The following GCSH variants were observed in gnomAD, a reference collection of about 807,000 sequenced individuals.
GCSH encodes glycine cleavage system H protein, mitochondrial.
A neutral mutation model predicts 21.3 loss-of-function variants in GCSH; 15 were observed. That is an observed-to-expected ratio of 0.70 (90% CI 0.47 to 1.08). The LOEUF is 1.08. Among genes scored for constraint, GCSH ranks in the 50% least tolerant of loss-of-function variants. The pLI is 0.00. For missense variants in GCSH, 179 were observed against 217.5 expected (o/e 0.82, Z 1.11); for synonymous variants, 59 against 84.5 (o/e 0.70, Z 1.66).
intron 1 of GCSH, among the ~76,000 whole-genome samples, chr16:81,092,737 A>G (rs998031314): frequency 6.6e-5 from 10 of 151,598 alleles, no homozygotes; most frequent in Non-Finnish European, 1.3e-4. Flanking sequence ...AGCAAGACTC[A>G]GTCTCAAAAA....
intron 1 of GCSH, among the ~76,000 whole-genome samples, chr16:81,094,696 C>G (rs1398169331): frequency 6.6e-6 from 1 of 152,048 alleles, no homozygotes; most frequent in Admixed American, 6.6e-5. Flanking sequence ...ATCAACCATT[C>G]CAGCTCCAAA....
At chr16:81,087,789 G>T in intron 2 of GCSH, 125 bp from the exon 3 acceptor site, 1 of 728,938 alleles carries the variant, frequency 1.4e-6, no homozygotes, top group South Asian at 1.6e-5. Context: ...TACTGGAGGG[G>T]CTACATTCTT....
In GCSH at chr16:81,092,452, T is replaced by C. The variant is rs554310896; in HGVS notation, c.149-1772A>G. 2.6e-5 allele frequency among the ~76,000 whole-genome samples: 4 copies of C among 152,280 alleles called. No homozygotes were observed. The South Asian group carries it at 8.3e-4, about 32-fold the overall frequency. On this transcript the variant is annotated intron_variant, in intron 1 of 4. Transcript: ENST00000315467. ...AATTTTTTTTTTCCTTAAATTATCA[T>C]GTCGCAGGCCAGGCACAGTGACTCA...
chr16:81,093,448 C>T (rs189250731), intron 1 of GCSH, among the ~76,000 whole-genome samples: 1 of 152,118 alleles, frequency 6.6e-6, no homozygotes, highest in Non-Finnish European at 1.5e-5. Flanking sequence ...TAGTACAATT[C>T]TCCTTAACAA....
intron 2 of GCSH, among the ~76,000 whole-genome samples, chr16:81,089,959 C>T (rs948368910): frequency 2.0e-5 from 3 of 152,184 alleles, no homozygotes; most frequent in African/African-American, 7.2e-5. Context: ...AAAACACACA[C>T]ATTTCCTTCT....
At chr16:81,090,905 G>T in intron 1 of GCSH, 1 of 601,462 alleles carries the variant, frequency 1.7e-6, no homozygotes. Context: ...AACACCTTGT[G>T]CATCTTTTGG....
At chr16:81,087,727 A>G in intron 2 of GCSH, 63 bp from the exon 3 acceptor site, 1 of 1,105,140 alleles carries the variant, frequency 9.0e-7, no homozygotes, top group South Asian at 1.2e-5. Flanking sequence ...TCCAGTAAAC[A>G]GAATAAGCCA....
chr16:81,087,611 C>G lies in GCSH; in HGVS notation c.282G>C (p.Leu94Phe). Residue 94 changes from leucine to phenylalanine, a missense_variant, in exon 3 of 5, where the codon TTG becomes TTC. Physicochemically the swap from Leu to Phe is conservative, Grantham distance 22. Coordinates refer to ENST00000315467, the MANE Select transcript of GCSH (RefSeq NM_004483.5). ...YCSLPEVGTK[L>F]NKQDEFGALE... ...CCTAAGAACACTCACCTTGTTTGTT[C>G]AATTTTGTCCCAACTTCAGGGAGAC... The G allele has an allele frequency of 6.2e-7, 1 of 1,608,296 alleles. No individual in the cohort carries two copies. Among genetic ancestry groups the G allele is most frequent in the Non-Finnish European group, 8.5e-7 (1 of 1,175,156 alleles).
intron 2 of GCSH, 62 bp downstream of exon 2, chr16:81,090,539 G>A: frequency 8.9e-7 from 1 of 1,121,608 alleles, no homozygotes; most frequent in Non-Finnish European, 1.4e-6. Flanking sequence ...TTTTAAAAAG[G>A]TAGAGATAAA....
chr16:81,082,082 T>C lies in GCSH; in HGVS notation c.*784A>G, dbSNP rs8177959. On this transcript the variant is annotated 3_prime_UTR_variant, in exon 5 of 5. Coordinates refer to ENST00000315467, the MANE Select transcript of GCSH (RefSeq NM_004483.5). ...CCACCTTCCTCTGTCTTTCCTCTTC[T>C]TTCTTCAGACCTCGCATGATAGAAA... The C allele has an allele frequency of 0.1, 45,534 of 454,020 alleles. 2,642 individuals carry two copies. Among genetic ancestry groups the C allele is most frequent in the East Asian group, 0.21 (2,976 of 14,384 alleles). 28.1% of individuals were successfully genotyped at this position (454,020 alleles called of 1,614,324 possible).
chr16:81,086,732 T>C (rs1414869231), intron 3 of GCSH, among the ~76,000 whole-genome samples: 1 of 146,504 alleles, frequency 6.8e-6, no homozygotes, highest in Non-Finnish European at 1.5e-5. Flanking sequence ...AGTCTCCAAA[T>C]TTAATCGAAA....
chr16:81,087,709 C>T (rs1972311804), intron 2 of GCSH, 45 bp from the exon 3 acceptor site: 2 of 1,307,616 alleles, frequency 1.5e-6, no homozygotes, highest in Non-Finnish European at 2.2e-6. Flanking sequence ...GAAGTTATAA[C>T]TAAACCCTCC....
rs897493068 is a variant in GCSH, at chr16:81,090,502, A to G, written c.228+99T>C. ...CTCCCAAAGTGTTGGGATTACAGGCATGAGCCACCTCACGCAGCCTAAACA... is the reference window on the plus strand; with the variant it reads ...CTCCCAAAGTGTTGGGATTACAGGCGTGAGCCACCTCACGCAGCCTAAACA... On this transcript the variant is annotated intron_variant, in intron 2 of 4. Transcript: ENST00000315467. 8.3e-6 allele frequency: 7 copies of G among 841,672 alleles called. No homozygotes were observed. In the African/African-American group the frequency reaches 1.0e-4, roughly 12 times the overall value. 52.1% of individuals were successfully genotyped at this position (841,672 alleles called of 1,614,324 possible).
chr16:81,096,131 C>T lies in GCSH; in HGVS notation c.148G>A (p.Val50Met), dbSNP rs1165865715. The change falls in exon 1 of 5, where the codon GTG becomes ATG. Residue 50 changes from valine to methionine, a missense_variant and splice_region_variant. Physicochemically the swap from Val to Met is conservative, Grantham distance 21. Coordinates refer to ENST00000315467, the MANE Select transcript of GCSH (RefSeq NM_004483.5). ...TLRTGPALLS[V>M]RKFTEKHEWV... Reference sequence around the variant, plus strand: ...CCGCCCACGTGCCCGCCGCGCTTACCCGAGAGCAGAGCGGGTCCAGTGCGC... The same window carrying T: ...CCGCCCACGTGCCCGCCGCGCTTACTCGAGAGCAGAGCGGGTCCAGTGCGC... The T allele has an allele frequency of 7.9e-7, 1 of 1,259,924 alleles. No homozygotes were observed. The highest frequency in any genetic ancestry group is 1.0e-6 in the Non-Finnish European group (1 of 1,003,242). The allele number at this position is 1,259,924 out of a possible 1,614,324, so 78.0% of individuals were successfully genotyped here. A position where few individuals can be genotyped will look rare whatever the true frequency, so the allele number is the denominator to read the frequency against.
At chr16:81,087,861 C>T (rs901920039) in intron 2 of GCSH, among the ~76,000 whole-genome samples, 197 bp from the exon 3 acceptor site, 10 of 152,256 alleles carry the variant, frequency 6.6e-5, no homozygotes, top group Middle Eastern at 3.4e-3. Context: ...TGGTAGTTCA[C>T]GCCTGTAATC....
chr16:81,095,791 C>A (rs1215403850), intron 1 of GCSH, among the ~76,000 whole-genome samples: 1 of 152,178 alleles, frequency 6.6e-6, no homozygotes, highest in Non-Finnish European at 1.5e-5. Context: ...CTTAAGGCCA[C>A]CGAGACGCTT....
In GCSH at chr16:81,082,086, T is replaced by C; in HGVS notation, c.*780A>G. The stretch of plus-strand genomic sequence containing the variant: ...CTTCCTCTGTCTTTCCTCTTCTTTC[T>C]TCAGACCTCGCATGATAGAAAATCA... On this transcript the variant is annotated 3_prime_UTR_variant, in exon 5 of 5. Coordinates refer to ENST00000315467, the MANE Select transcript of GCSH (RefSeq NM_004483.5). The C allele has an allele frequency of 2.2e-6, 1 of 454,164 alleles. No homozygotes were observed. Among genetic ancestry groups the C allele is most frequent in the Non-Finnish European group, 4.4e-6 (1 of 226,800 alleles). The allele number at this position is 454,164 out of a possible 1,614,324, so 28.1% of individuals were successfully genotyped here. A position where few individuals can be genotyped will look rare whatever the true frequency, so the allele number is the denominator to read the frequency against.
In GCSH at chr16:81,082,354, C is replaced by G; in HGVS notation, c.*512G>C. 1 of 431,412 alleles carries G rather than the reference C, an allele frequency of 2.3e-6. No homozygotes were observed. Among genetic ancestry groups the G allele is most frequent in the Non-Finnish European group, 4.6e-6 (1 of 217,098 alleles). 26.7% of individuals were successfully genotyped at this position (431,412 alleles called of 1,614,324 possible). On this transcript the variant is annotated 3_prime_UTR_variant, in exon 5 of 5. Transcript: ENST00000315467. The stretch of plus-strand genomic sequence containing the variant: ...GAAGAAGTATTTTATTATTTTGCTG[C>G]AAAGCTGTTGCTTCACTGTATAAAA...
rs930244376 is a variant in GCSH at position 81,096,137 on chromosome 16, G to A, written c.142C>T (p.Leu48Phe). The change falls in exon 1 of 5, where the codon CTC becomes TTC. Residue 48 changes from leucine (L) to phenylalanine (F), a missense_variant. By Grantham distance (22) the Leu-to-Phe change is conservative. Transcript: ENST00000315467. ...ACGTGCCCGCCGCGCTTACCCGAGA[G>A]CAGAGCGGGTCCAGTGCGCAGCGTA... is the stretch of plus-strand genomic sequence containing the variant. ...VRTLRTGPAL[L>F]SVRKFTEKHE... is the part of the protein sequence containing the mutation. The A allele has an allele frequency of 1.5e-5, 19 of 1,267,850 alleles. No homozygotes were observed. Among genetic ancestry groups the A allele is most frequent in the Middle Eastern group, 3.0e-4 (1 of 3,332 alleles). The allele number at this position is 1,267,850 out of a possible 1,614,324, so 78.5% of individuals were successfully genotyped here. A position where few individuals can be genotyped will look rare whatever the true frequency, so the allele number is the denominator to read the frequency against.
Sources: gnomAD v4.1 joint callset for allele counts (sites outside exome capture counted in the v4.1 genomes callset) on GRCh38, gnomAD v4.1.1 for gene constraint, MANE v1.5 for transcripts, NCBI Gene and HGNC (gene_info 2026-07-23, HGNC 2026-07-21) for gene names.